The following TWSG1 variants were observed in gnomAD, a reference collection of about 807,000 sequenced individuals.
The protein encoded by TWSG1 is twisted gastrulation BMP signaling modulator 1.
In TWSG1, 15 loss-of-function variants were observed where a neutral mutation model predicts 23.0. The ratio of observed to expected loss-of-function variants is 0.65; its 90% CI spans 0.44 to 1.00. The LOEUF (loss-of-function observed/expected upper bound fraction) is 1.00, where lower values mean the gene tolerates loss of function less well. TWSG1 is among the 50% of genes least tolerant of loss of function. The probability of loss-of-function intolerance (pLI) is 0.00; values close to 1 mark genes in which losing one functional copy is unlikely to be tolerated. For synonymous variants in TWSG1, 86 were observed against 92.8 expected, an observed-to-expected ratio of 0.93 and a Z score of 0.42; for missense variants, 242 against 278.7, an observed-to-expected ratio of 0.87 and a Z score of 0.94.
At chr18:9,382,765 T>C (rs1346150340) in intron 3 of TWSG1, among the ~76,000 whole-genome samples, 4 of 145,036 alleles carry the variant, frequency 2.8e-5, no homozygotes, top group Non-Finnish European at 6.0e-5. Flanking sequence ...TGAGATCATG[T>C]GACCGCACTC....
chr18:9,363,187 C>T (rs1255321080), intron 3 of TWSG1, among the ~76,000 whole-genome samples: 1 of 152,130 alleles, frequency 6.6e-6, no homozygotes, highest in African/African-American at 2.4e-5. Flanking sequence ...CTGTGGCTCC[C>T]TTGTATAAGA....
chr18:9,344,490 C>CGTGT lies in TWSG1; in HGVS notation c.123+7138_123+7139insGTGT, dbSNP rs1491456878. Reference sequence around the variant, plus strand: ...CATCTTTTTATGTGCTTAGTGAATGCATGTGTGTGTGTGTGTGTGTGTGTG... The same window carrying CGTGT: ...CATCTTTTTATGTGCTTAGTGAATGCGTGTATGTGTGTGTGTGTGTGTGTGTGTG... On this transcript the variant is annotated intron_variant, in intron 2 of 4. Transcript: ENST00000262120. 4.4e-3 allele frequency among the ~76,000 whole-genome samples: 495 copies of CGTGT among 112,900 alleles called. 8 individuals carry two copies. Among genetic ancestry groups the CGTGT allele is most frequent in the African/African-American group, 0.011 (325 of 28,620 alleles). 74.1% of individuals were successfully genotyped at this position (112,900 alleles called of 152,430 possible). A position where few individuals can be genotyped will look rare whatever the true frequency, so the allele number is the denominator to read the frequency against.
chr18:9,370,905 A>G (rs1224967684), intron 3 of TWSG1, among the ~76,000 whole-genome samples: 1 of 152,202 alleles, frequency 6.6e-6, no homozygotes. Flanking sequence ...AAAAAAAGCT[A>G]TGTTAGGTAA....
At chr18:9,389,176 A>G (rs947522295) in intron 3 of TWSG1, among the ~76,000 whole-genome samples, 1 of 151,818 alleles carries the variant, frequency 6.6e-6, no homozygotes, top group Non-Finnish European at 1.5e-5. Flanking sequence ...GGGTTTCTCC[A>G]TGTTGGTCAG....
intron 2 of TWSG1, among the ~76,000 whole-genome samples, chr18:9,339,982 G>A (rs1009514285): frequency 3.3e-5 from 5 of 152,136 alleles, no homozygotes; most frequent in East Asian, 1.9e-4. Flanking sequence ...CTGATATTCC[G>A]TTGTAGCTTC....
intron 3 of TWSG1, among the ~76,000 whole-genome samples, chr18:9,371,933 T>C (rs1598829331): frequency 6.6e-6 from 1 of 151,230 alleles, no homozygotes; most frequent in East Asian, 2.0e-4. Context: ...TCTCGGCTAA[T>C]GTTTTGTATT....
intron 1 of TWSG1, 80 bp from the exon 2 acceptor site, chr18:9,337,113 T>A (rs1016223591): frequency 5.6e-6 from 7 of 1,240,158 alleles, no homozygotes; most frequent in African/African-American, 3.0e-5. Flanking sequence ...TGAGTCTTAG[T>A]TTATGTTTTG....
At chr18:9,338,362 T>C (rs1167323307) in intron 2 of TWSG1, among the ~76,000 whole-genome samples, 1 of 152,194 alleles carries the variant, frequency 6.6e-6, no homozygotes, top group Non-Finnish European at 1.5e-5. Context: ...AGTTTTTAAC[T>C]TTTTCGCTGT....
chr18:9,362,609 G>A (rs2040557528), intron 3 of TWSG1, among the ~76,000 whole-genome samples: 1 of 151,648 alleles, frequency 6.6e-6, no homozygotes, highest in South Asian at 2.1e-4. Flanking sequence ...GTGTGAGAGT[G>A]TTTGTGCGAG....
chr18:9,376,255 A>C (rs1945391626), intron 3 of TWSG1, among the ~76,000 whole-genome samples: 1 of 152,314 alleles, frequency 6.6e-6, no homozygotes, highest in South Asian at 2.1e-4. Context: ...TAAAAATCCT[A>C]GCAATTTATC....
At chr18:9,390,802 A>G (rs946236541) in intron 3 of TWSG1, among the ~76,000 whole-genome samples, 4 of 152,212 alleles carry the variant, frequency 2.6e-5, no homozygotes, top group African/African-American at 7.2e-5. Context: ...GCTTCAGGCC[A>G]GGAGTTTGAG....
At chr18:9,369,197 A>G (rs35584133) in intron 3 of TWSG1, among the ~76,000 whole-genome samples, 73,302 of 152,020 alleles carry the variant, frequency 0.48, 18,687 homozygotes, top group East Asian at 0.71. Context: ...AGTGATTTTG[A>G]GAATTTTTAC....
intron 3 of TWSG1, among the ~76,000 whole-genome samples, chr18:9,375,254 T>C (rs970081509): frequency 2.7e-5 from 4 of 149,496 alleles, no homozygotes; most frequent in Non-Finnish European, 4.4e-5. Context: ...ATTATATCAA[T>C]AGATGCAGAA....
chr18:9,396,250 C>T (rs201506146), intron 3 of TWSG1, 30 bp from the exon 4 acceptor site: 1 of 1,591,912 alleles, frequency 6.3e-7, no homozygotes, highest in South Asian at 1.1e-5. Flanking sequence ...CAGTAACTAA[C>T]AAAATCTTAT....
intron 3 of TWSG1, among the ~76,000 whole-genome samples, chr18:9,363,706 A>G (rs928489745): frequency 6.6e-6 from 1 of 151,952 alleles, no homozygotes; most frequent in South Asian, 2.1e-4. Flanking sequence ...GCTCACTGCA[A>G]CCTCCACCTC....
At chr18:9,358,936 C>T (rs1300243807) in intron 2 of TWSG1, among the ~76,000 whole-genome samples, 1 of 152,104 alleles carries the variant, frequency 6.6e-6, no homozygotes, top group East Asian at 1.9e-4. Flanking sequence ...TATGGAATTT[C>T]CATTTCAGTT....
intron 3 of TWSG1, among the ~76,000 whole-genome samples, chr18:9,364,385 A>C (rs991729071): frequency 1.3e-5 from 2 of 152,188 alleles, no homozygotes; most frequent in African/African-American, 4.8e-5. Flanking sequence ...AATTGATCCC[A>C]TGAGTTCCGA....
At chr18:9,388,658 T>C (rs996666099) in intron 3 of TWSG1, among the ~76,000 whole-genome samples, 1 of 152,240 alleles carries the variant, frequency 6.6e-6, no homozygotes, top group Non-Finnish European at 1.5e-5. Flanking sequence ...ATTTGTTAAA[T>C]GCACAAAACT....
At chr18:9,350,551 C>G (rs1007793441) in intron 2 of TWSG1, among the ~76,000 whole-genome samples, 3 of 152,206 alleles carry the variant, frequency 2.0e-5, no homozygotes, top group African/African-American at 7.2e-5. Flanking sequence ...AAGAAATTCA[C>G]TGGGGGACTT....
Sources: allele counts gnomAD v4.1 joint callset (sites outside exome capture counted in the v4.1 genomes callset), GRCh38; gene constraint gnomAD v4.1.1; transcripts MANE v1.5; gene names NCBI Gene and HGNC (gene_info 2026-07-23, HGNC 2026-07-21).